The following CAPN9 variants were observed in gnomAD, a reference collection of about 807,000 sequenced individuals.
CAPN9 encodes calpain-9.
CAPN9 carries 81 observed loss-of-function variants against 92.8 expected under a neutral mutation model. That is an observed-to-expected ratio of 0.87 (90% CI 0.73 to 1.05). CAPN9 has a LOEUF of 1.05. Ranked by LOEUF, CAPN9 falls within the 50% of genes least tolerant of loss-of-function variation. The probability of loss-of-function intolerance (pLI) is 0.00; values close to 1 mark genes in which losing one functional copy is unlikely to be tolerated. For synonymous variants in CAPN9, 304 were observed against 328.0 expected, an observed-to-expected ratio of 0.93 and a Z score of 0.79; for missense variants, 848 against 866.2, an observed-to-expected ratio of 0.98 and a Z score of 0.26.
intron 19 of CAPN9, among the ~76,000 whole-genome samples, chr1:230,800,234 G>A (rs12086319): frequency 0.57 from 40,668 of 70,936 alleles, 9,224 homozygotes; most frequent in African/African-American, 0.63. Flanking sequence ...AAAGAAAGAA[G>A]AAAGAAAGAA....
chr1:230,775,994 G>C (rs553523190), intron 8 of CAPN9: 3 of 151,272 alleles, frequency 2.0e-5, no homozygotes, highest in Non-Finnish European at 2.9e-5. Context: ...ATAGAACACA[G>C]CCTCAGTAGT....
At chr1:230,769,320 C>A in intron 6 of CAPN9, 57 bp downstream of exon 6, 1 of 1,249,752 alleles carries the variant, frequency 8.0e-7, no homozygotes, top group Non-Finnish European at 1.2e-6. Flanking sequence ...AATGCTAATC[C>A]CTTAGGCATT....
chr1:230,794,699 C>T (rs1668229338), intron 17 of CAPN9, among the ~76,000 whole-genome samples: 1 of 152,096 alleles, frequency 6.6e-6, no homozygotes, highest in Non-Finnish European at 1.5e-5. Flanking sequence ...TCTCCGTGGG[C>T]AGCAGCATCC....
rs991997217 is a variant in CAPN9 at position 230,792,727 on chromosome 1, C to T, written c.1792-123C>T. 10 of 847,716 alleles carry T rather than the reference C, an allele frequency of 1.2e-5. No individual in the cohort carries two copies. The East Asian group carries it at 2.4e-4, about 20-fold the overall frequency. 52.5% of individuals were successfully genotyped at this position (847,716 alleles called of 1,614,324 possible). On this transcript the variant is annotated intron_variant, in intron 16 of 19. Transcript: ENST00000271971. ...ACCGACTTCTTTTGGAAGGCCCAGT[C>T]CAACTGTGGCCTCTGCGGCCCCTAG... is the stretch of plus-strand genomic sequence containing the variant.
chr1:230,799,500 G>A (rs1299746753), intron 19 of CAPN9, among the ~76,000 whole-genome samples: 3 of 152,170 alleles, frequency 2.0e-5, no homozygotes, highest in African/African-American at 7.2e-5. Flanking sequence ...TGAGCCAAAT[G>A]GGGATACTAT....
intron 11 of CAPN9, among the ~76,000 whole-genome samples, chr1:230,784,299 A>G (rs1397705893): frequency 1.3e-5 from 2 of 152,252 alleles, no homozygotes; most frequent in African/African-American, 4.8e-5. Flanking sequence ...ACCACTTGCT[A>G]GAGATATTTA....
At chr1:230,785,872 A>C in intron 11 of CAPN9, 109 bp from the exon 12 acceptor site, 1 of 1,016,244 alleles carries the variant, frequency 9.8e-7, no homozygotes, top group Non-Finnish European at 1.6e-6. Flanking sequence ...ACTGAACAAT[A>C]AGGGATTCAA....
At chr1:230,760,279 T>G (rs28359614) in intron 3 of CAPN9, among the ~76,000 whole-genome samples, 1 of 152,160 alleles carries the variant, frequency 6.6e-6, no homozygotes, top group Admixed American at 6.5e-5. Context: ...GACAATTTTC[T>G]TAGTGACATT....
chr1:230,758,220 G>A (rs1471634942), intron 2 of CAPN9, among the ~76,000 whole-genome samples: 1 of 152,214 alleles, frequency 6.6e-6, no homozygotes, highest in African/African-American at 2.4e-5. Context: ...GAGGAGAGCT[G>A]GGAAAGGTCA....
intron 19 of CAPN9, among the ~76,000 whole-genome samples, chr1:230,798,794 A>G (rs1668508254): frequency 6.6e-6 from 1 of 152,196 alleles, no homozygotes; most frequent in African/African-American, 2.4e-5. Context: ...AGGGAGGTCC[A>G]TGGGCCAGCA....
At chr1:230,790,331 T>C in intron 14 of CAPN9, 142 bp downstream of exon 14, 7 of 1,383,132 alleles carry the variant, frequency 5.1e-6, no homozygotes, top group Non-Finnish European at 6.6e-6. Context: ...ATAGCTTTCA[T>C]TGTTTGTTTT....
intron 1 of CAPN9, among the ~76,000 whole-genome samples, chr1:230,751,584 ACAAAG>A (rs1230093824): frequency 0.013 from 146 of 11,540 alleles, 4 homozygotes; most frequent in African/African-American, 0.046. Flanking sequence ...GAAGAAAGAA[ACAAAG>A]AAAGAAAGAA....
chr1:230,762,573 C>T, intron 3 of CAPN9, 80 bp from the exon 4 acceptor site: 1 of 1,526,682 alleles, frequency 6.6e-7, no homozygotes. Context: ...AAAAAAGCAA[C>T]AGGATCAACA....
intron 8 of CAPN9, 104 bp downstream of exon 8, chr1:230,774,735 CTTTCTTTTTTTTTTT>C: frequency 1.7e-6 from 1 of 588,140 alleles, no homozygotes. Flanking sequence ...TTCTTTCTTT[CTTTCTTTTTTTTTTT>C]TTTTTTTTGA....
At chr1:230,767,868 TG>T (rs1422434779) in intron 5 of CAPN9, among the ~76,000 whole-genome samples, 159 bp downstream of exon 5, 3 of 150,570 alleles carry the variant, frequency 2.0e-5, no homozygotes, top group Non-Finnish European at 3.0e-5. Flanking sequence ...ACACAAGTTT[TG>T]GGGGGAGGTG....
At chr1:230,751,586 A>G (rs1232944483) in intron 1 of CAPN9, among the ~76,000 whole-genome samples, 3 of 22,316 alleles carry the variant, frequency 1.3e-4, no homozygotes, top group African/African-American at 4.6e-4. Context: ...AGAAAGAAAC[A>G]AAGAAAGAAA....
chr1:230,750,796 A>G (rs1434658644), intron 1 of CAPN9, among the ~76,000 whole-genome samples: 1 of 150,756 alleles, frequency 6.6e-6, no homozygotes, highest in African/African-American at 2.4e-5. Context: ...CTTGCCCTCA[A>G]GGGAGCCCAG....
chr1:230,764,320 T>C (rs192198447), intron 4 of CAPN9, among the ~76,000 whole-genome samples: 1 of 152,364 alleles, frequency 6.6e-6, no homozygotes, highest in Non-Finnish European at 1.5e-5. Context: ...CTTTCCCTAC[T>C]TGAACTGGGA....
Position 230,798,215 on chromosome 1 carries a change from A to C in CAPN9, c.2041A>C (p.Asn681His). The C allele has an allele frequency of 6.2e-7, 1 of 1,610,156 alleles. No homozygotes were observed. The highest frequency in any genetic ancestry group is 1.7e-4 in the Middle Eastern group (1 of 6,056). Residue 681 changes from asparagine (N) to histidine (H), a missense_variant, in exon 19 of 20, where the codon AAT becomes CAT. Asn to His is a moderately conservative substitution (Grantham distance 68). Coordinates refer to ENST00000271971, the MANE Select transcript of CAPN9 (RefSeq NM_006615.3). Reference protein sequence around the residue: ...KNKEFIHLNINEFIHLTMNI With the variant: ...KNKEFIHLNIHEFIHLTMNI ...CAAGGAGTTCATTCATCTCAATATA[A>C]ATGAGGTATGGCCAATCCAGACCCT...
Sources: gnomAD v4.1 joint callset for allele counts (sites outside exome capture counted in the v4.1 genomes callset) on GRCh38, gnomAD v4.1.1 for gene constraint, MANE v1.5 for transcripts, NCBI Gene and HGNC (gene_info 2026-07-23, HGNC 2026-07-21) for gene names.